Variants in TIAM1 observed in about 807,000 individuals in gnomAD.
TIAM1 encodes rho guanine nucleotide exchange factor TIAM1.
In TIAM1, 65 loss-of-function variants were observed where a neutral mutation model predicts 163.5. That is an observed-to-expected ratio of 0.40 (90% CI 0.33 to 0.49). TIAM1 has a LOEUF of 0.49. TIAM1 is among the 20% of genes least tolerant of loss of function. The pLI, the probability that TIAM1 is intolerant of heterozygous loss-of-function variation, is 0.77. For synonymous variants in TIAM1, 833 were observed against 810.1 expected, an observed-to-expected ratio of 1.03 and a Z score of -0.48; for missense variants, 1,789 against 2,044.7, an observed-to-expected ratio of 0.87 and a Z score of 2.41.
At chr21:31,496,659 A>G (rs1205809934) in intron 1 of TIAM1, among the ~76,000 whole-genome samples, 1 of 152,088 alleles carries the variant, frequency 6.6e-6, no homozygotes, top group Non-Finnish European at 1.5e-5. Context: ...TCCAATATTT[A>G]TAGTCTATTT....
intron 2 of TIAM1, among the ~76,000 whole-genome samples, chr21:31,411,886 C>T (rs1375648120): frequency 2.1e-5 from 3 of 145,018 alleles, no homozygotes; most frequent in South Asian, 2.2e-4. Flanking sequence ...AATGGGCAAT[C>T]GGACAGCACT....
intron 1 of TIAM1, among the ~76,000 whole-genome samples, chr21:31,488,561 G>A (rs2147412848): frequency 6.6e-6 from 1 of 152,294 alleles, no homozygotes; most frequent in Admixed American, 6.5e-5. Flanking sequence ...AGTTCCACAT[G>A]GCTGGGGAGG....
intron 4 of TIAM1, among the ~76,000 whole-genome samples, chr21:31,263,320 G>T (rs2072581462): frequency 6.6e-6 from 1 of 152,152 alleles, no homozygotes; most frequent in African/African-American, 2.4e-5. Context: ...ACTGGCCCAA[G>T]GTCACCACTG....
chr21:31,318,709 GAA>G (rs2075208732), intron 2 of TIAM1, among the ~76,000 whole-genome samples: 1 of 152,128 alleles, frequency 6.6e-6, no homozygotes, highest in South Asian at 2.1e-4. Context: ...GGAAAAAATG[GAA>G]AGAGTTCTGC....
intron 27 of TIAM1, 90 bp downstream of exon 27, chr21:31,124,432 A>AC: frequency 6.4e-7 from 1 of 1,553,798 alleles, no homozygotes; most frequent in South Asian, 1.2e-5. Context: ...GCCACACCTC[A>AC]CCCCCACTCA....
chr21:31,358,139 G>A (rs563884879), intron 2 of TIAM1, among the ~76,000 whole-genome samples: 1 of 152,306 alleles, frequency 6.6e-6, no homozygotes, highest in African/African-American at 2.4e-5. Context: ...TCTCAGGGCA[G>A]AGGGCGGCAT....
chr21:31,238,446 T>C (rs1389017335), intron 6 of TIAM1, among the ~76,000 whole-genome samples: 1 of 152,180 alleles, frequency 6.6e-6, no homozygotes, highest in Non-Finnish European at 1.5e-5. Flanking sequence ...TTGTCACATA[T>C]AAAAAAGTTT....
intron 1 of TIAM1, among the ~76,000 whole-genome samples, chr21:31,478,626 T>C (rs1350719834): frequency 6.6e-6 from 1 of 152,208 alleles, no homozygotes; most frequent in Admixed American, 6.5e-5. Context: ...TTTTTCTTTT[T>C]TTGTCTTTTT....
At chr21:31,468,756 A>G (rs375079653) in intron 1 of TIAM1, among the ~76,000 whole-genome samples, 103 of 152,154 alleles carry the variant, frequency 6.8e-4, no homozygotes, top group African/African-American at 2.3e-3. Flanking sequence ...AGCCTGGGTG[A>G]CAGAGCGAGA....
chr21:31,142,463 C>CAAAA (rs34368848), intron 20 of TIAM1, among the ~76,000 whole-genome samples: 21 of 49,910 alleles, frequency 4.2e-4, no homozygotes, highest in Admixed American at 1.2e-3. Flanking sequence ...ACTAAAAATA[C>CAAAA]AAAAAAAAAA....
intron 2 of TIAM1, among the ~76,000 whole-genome samples, chr21:31,376,406 G>A (rs1192122663): frequency 6.6e-6 from 1 of 152,146 alleles, no homozygotes; most frequent in African/African-American, 2.4e-5. Flanking sequence ...GTTTCCGTCT[G>A]CACCCTCTCC....
chr21:31,501,762 C>A (rs368009817), intron 1 of TIAM1, among the ~76,000 whole-genome samples: 2 of 152,182 alleles, frequency 1.3e-5, no homozygotes, highest in South Asian at 4.1e-4. Flanking sequence ...ACCACCACGC[C>A]TGGCTAATTT....
At chr21:31,534,203 A>G (rs1308798187) in intron 1 of TIAM1, among the ~76,000 whole-genome samples, 2 of 152,230 alleles carry the variant, frequency 1.3e-5, no homozygotes, top group African/African-American at 4.8e-5. Context: ...CAAACTCACC[A>G]TTAACATCTA....
At chr21:31,403,385 G>A in intron 2 of TIAM1, among the ~76,000 whole-genome samples, 1 of 152,250 alleles carries the variant, frequency 6.6e-6, no homozygotes, top group East Asian at 1.9e-4. Flanking sequence ...TTGACCTCGT[G>A]ATCCGCCCGC....
At position 31,376,867 on chromosome 21, in the gene TIAM1, T is replaced by G. The variant is rs555494643; in HGVS notation, c.-368-37445A>C. On this transcript the variant is annotated intron_variant, in intron 2 of 28. Coordinates refer to the TIAM1 transcript ENST00000286827. ...GATAGGAATTTTTACTTTATTTTAT[T>G]TTATTTTTTGAATCAGAGTCTCACT... 4.0e-5 allele frequency among the ~76,000 whole-genome samples: 6 copies of G among 151,264 alleles called. No homozygotes were observed. In the East Asian group the frequency reaches 1.2e-3, roughly 29 times the overall value.
At chr21:31,412,090 A>G (rs1020842439) in intron 2 of TIAM1, among the ~76,000 whole-genome samples, 3 of 152,212 alleles carry the variant, frequency 2.0e-5, no homozygotes, top group Non-Finnish European at 2.9e-5. Context: ...ACACAATGGA[A>G]TAGTATTCAG....
At chr21:31,400,082 T>C (rs2077139095) in intron 2 of TIAM1, among the ~76,000 whole-genome samples, 1 of 151,780 alleles carries the variant, frequency 6.6e-6, no homozygotes. Context: ...TTTTAAAGAA[T>C]TGGAAGGAAA....
rs1344701825 is a variant in TIAM1 at position 31,339,347 on chromosome 21, G to C, written c.-293C>G. ...CTAGGATTCAGAGCATTATGCCCAT[G>C]GTACCAACCAGCCTCCTCTTCCTCC... On this transcript the variant is annotated 5_prime_UTR_variant, in exon 2 of 28. Transcript: ENST00000541036. 5.0e-6 allele frequency: 2 copies of C among 398,462 alleles called. No homozygotes were observed. The highest frequency in any genetic ancestry group is 4.1e-5 in the African/African-American group (2 of 48,584). 24.7% of individuals were successfully genotyped at this position (398,462 alleles called of 1,614,324 possible).
intron 1 of TIAM1, among the ~76,000 whole-genome samples, chr21:31,504,234 G>T (rs538690218): frequency 6.6e-6 from 1 of 152,338 alleles, no homozygotes; most frequent in African/African-American, 2.4e-5. Context: ...ATGAACAACA[G>T]CCTGAGAGGG....
Sources: allele counts gnomAD v4.1 joint callset (sites outside exome capture counted in the v4.1 genomes callset), GRCh38; gene constraint gnomAD v4.1.1; transcripts MANE v1.5; gene names NCBI Gene and HGNC (gene_info 2026-07-23, HGNC 2026-07-21).